CCDC60: variants seen among roughly 807,000 people sequenced by gnomAD.
The protein encoded by CCDC60 is coiled-coil domain containing 60, also known as coiled-coil domain-containing protein 60.
In CCDC60, 54 loss-of-function variants were observed where a neutral mutation model predicts 63.5. The ratio of observed to expected loss-of-function variants is 0.85; its 90% CI spans 0.68 to 1.07. The LOEUF (loss-of-function observed/expected upper bound fraction) is 1.07, where lower values mean the gene tolerates loss of function less well. CCDC60 is among the 50% of genes least tolerant of loss of function. The pLI is 0.00. For synonymous variants in CCDC60, 206 were observed against 238.8 expected (o/e 0.86, Z 1.27); for missense variants, 651 against 684.3 (o/e 0.95, Z 0.54).
intron 1 of CCDC60, among the ~76,000 whole-genome samples, chr12:119,382,705 T>C (rs566211096): frequency 6.6e-6 from 1 of 152,202 alleles, no homozygotes; most frequent in Non-Finnish European, 1.5e-5. Flanking sequence ...ATTCATGAAG[T>C]CTTTGAAGTC....
intron 8 of CCDC60, among the ~76,000 whole-genome samples, chr12:119,519,418 TGTGTGTGTGTGTGTGTGCGC>T (rs1231833182): frequency 9.9e-5 from 14 of 141,576 alleles, no homozygotes; most frequent in Non-Finnish European, 1.8e-4. Flanking sequence ...TGTGTGTGTG[TGTGTGTGTGTGTGTGTGCGC>T]GTGTGTGTGT....
chr12:119,454,646 AT>A (rs1424369789), intron 2 of CCDC60, among the ~76,000 whole-genome samples: 1 of 152,340 alleles, frequency 6.6e-6, no homozygotes, highest in East Asian at 1.9e-4. Flanking sequence ...AGCATTTTAA[AT>A]GTGTGAATTG....
intron 9 of CCDC60, among the ~76,000 whole-genome samples, chr12:119,520,733 G>T (rs997709245): frequency 6.6e-6 from 1 of 151,864 alleles, no homozygotes; most frequent in Admixed American, 6.6e-5. Flanking sequence ...GTAGAGACAG[G>T]GTTTCACCAC....
intron 1 of CCDC60, among the ~76,000 whole-genome samples, chr12:119,346,004 T>TA (rs1955589061): frequency 6.7e-6 from 1 of 149,054 alleles, no homozygotes; most frequent in African/African-American, 2.5e-5. Flanking sequence ...TTTTTTTTTT[T>TA]AGTAGAGATG....
intron 1 of CCDC60, among the ~76,000 whole-genome samples, chr12:119,373,658 G>A (rs956475905): frequency 8.6e-4 from 106 of 123,126 alleles, no homozygotes; most frequent in Non-Finnish European, 1.5e-3. Flanking sequence ...CTTTCTCTCC[G>A]GGGTGGGGTG....
intron 1 of CCDC60, among the ~76,000 whole-genome samples, chr12:119,387,024 T>C (rs1956072105): frequency 1.0e-5 from 1 of 95,292 alleles, no homozygotes; most frequent in African/African-American, 4.7e-5. Context: ...TCCCTCCCCC[T>C]CTGTCTCTCT....
intron 1 of CCDC60, among the ~76,000 whole-genome samples, chr12:119,407,071 G>A (rs771974147): frequency 4.6e-5 from 7 of 152,182 alleles, no homozygotes; most frequent in African/African-American, 1.4e-4. Flanking sequence ...AGAGAACACC[G>A]AGGGGACATC....
chr12:119,434,073 C>T (rs1002167203), intron 2 of CCDC60, among the ~76,000 whole-genome samples: 4 of 152,108 alleles, frequency 2.6e-5, no homozygotes, highest in South Asian at 2.1e-4. Context: ...AACATGAAGC[C>T]GTGATTGGCA....
intron 3 of CCDC60, 45 bp downstream of exon 3, chr12:119,472,209 C>A (rs763889437): frequency 9.5e-6 from 15 of 1,576,624 alleles, no homozygotes; most frequent in Non-Finnish European, 1.3e-5. Context: ...TTGGGAATGA[C>A]CATTGAGAGT....
chr12:119,426,066 T>C (rs926393948), intron 1 of CCDC60, among the ~76,000 whole-genome samples: 4 of 152,198 alleles, frequency 2.6e-5, no homozygotes, highest in African/African-American at 9.6e-5. Context: ...GTTCCTTACA[T>C]GCCTCATCAG....
chr12:119,408,754 G>A (rs1272740954), intron 1 of CCDC60, among the ~76,000 whole-genome samples: 1 of 152,098 alleles, frequency 6.6e-6, no homozygotes, highest in African/African-American at 2.4e-5. Context: ...TGAACCTGGA[G>A]GCAGAGCTTG....
intron 8 of CCDC60, among the ~76,000 whole-genome samples, chr12:119,519,463 A>AT (rs1158771501): frequency 7.2e-5 from 9 of 124,494 alleles, no homozygotes; most frequent in African/African-American, 2.4e-4. Context: ...ATATATATAT[A>AT]TATATTTTTT....
intron 2 of CCDC60, among the ~76,000 whole-genome samples, chr12:119,446,778 G>T (rs1488120472): frequency 1.3e-5 from 2 of 151,062 alleles, no homozygotes; most frequent in Non-Finnish European, 3.0e-5. Flanking sequence ...TTTTGTTTTT[G>T]TTTTTTTTTA....
intron 1 of CCDC60, among the ~76,000 whole-genome samples, chr12:119,394,800 C>T (rs773521168): frequency 6.6e-6 from 1 of 152,232 alleles, no homozygotes; most frequent in Non-Finnish European, 1.5e-5. Flanking sequence ...ACAAGGTCAG[C>T]TCTGATCTCA....
chr12:119,474,733 G>A (rs1260651313), intron 3 of CCDC60, among the ~76,000 whole-genome samples: 2 of 152,234 alleles, frequency 1.3e-5, no homozygotes, highest in East Asian at 1.9e-4. Context: ...CAGGCCAGGC[G>A]TGGTGGCTCA....
chr12:119,387,659 G>A (rs1283937473), intron 1 of CCDC60, among the ~76,000 whole-genome samples: 1 of 151,996 alleles, frequency 6.6e-6, no homozygotes, highest in South Asian at 2.1e-4. Flanking sequence ...TTTCATAAAT[G>A]GGATTATACC....
intron 1 of CCDC60, among the ~76,000 whole-genome samples, chr12:119,342,223 A>G (rs1955540394): frequency 6.6e-6 from 1 of 152,214 alleles, no homozygotes; most frequent in Non-Finnish European, 1.5e-5. Flanking sequence ...TCCATATTCC[A>G]GCAGAAAGAG....
intron 2 of CCDC60, among the ~76,000 whole-genome samples, chr12:119,461,105 C>G (rs1950849326): frequency 6.6e-6 from 1 of 152,018 alleles, no homozygotes. Flanking sequence ...CATCATTTAC[C>G]TAACCTTTTC....
intron 3 of CCDC60, among the ~76,000 whole-genome samples, chr12:119,477,299 T>C (rs1373547476): frequency 6.6e-6 from 1 of 152,222 alleles, no homozygotes; most frequent in East Asian, 1.9e-4. Flanking sequence ...AACATAGACC[T>C]ACCTCTCGAT....
Sources: allele counts gnomAD v4.1 joint callset (sites outside exome capture counted in the v4.1 genomes callset), GRCh38; gene constraint gnomAD v4.1.1; transcripts MANE v1.5; gene names NCBI Gene and HGNC (gene_info 2026-07-23, HGNC 2026-07-21).